Variants in GSTA5 observed in about 807,000 individuals in gnomAD.
GSTA5 encodes the protein glutathione S-transferase alpha 5, also known as glutathione S-transferase A5.
Under a neutral mutation model 21.8 loss-of-function variants are expected in GSTA5, and 25 were observed. The ratio of observed to expected loss-of-function variants is 1.14; its 90% CI spans 0.83 to 1.60. GSTA5 has a LOEUF of 1.60. Among genes scored for constraint, GSTA5 ranks in the 40% most tolerant of loss-of-function variants. GSTA5 has a pLI of 0.00. For missense variants in GSTA5, 330 were observed against 259.2 expected (o/e 1.27, Z -1.88); for synonymous variants, 102 against 89.5 (o/e 1.14, Z -0.78).
At chr6:52,832,105 C>G in intron 5 of GSTA5, 135 bp from the exon 6 acceptor site, 3 of 1,212,374 alleles carry the variant, frequency 2.5e-6, no homozygotes, top group South Asian at 1.7e-5. Flanking sequence ...GAGGCAGAAA[C>G]AGACACCCAG....
At chr6:52,840,756 G>T in exon 1 of GSTA5, 1 of 1,614,056 alleles carries the variant, frequency 6.2e-7, no homozygotes, top group Non-Finnish European at 8.5e-7. Context: ...AGGAGCCACC[G>T]AATGGACTCC....
intron 3 of GSTA5, among the ~76,000 whole-genome samples, 156 bp downstream of exon 3, chr6:52,836,080 A>G (rs1379450481): frequency 6.6e-6 from 1 of 152,010 alleles, no homozygotes; most frequent in Non-Finnish European, 1.5e-5. Flanking sequence ...CTGTTCCCTC[A>G]TCTCCATGGG....
chr6:52,834,840 C>A (rs951691430), intron 3 of GSTA5, among the ~76,000 whole-genome samples: 2 of 152,158 alleles, frequency 1.3e-5, no homozygotes, highest in African/African-American at 4.8e-5. Context: ...TTTCCACAGC[C>A]CTCTCCATGT....
rs1764296497 is a variant in GSTA5 at position 52,836,519 on chromosome 6, T to C, written c.140-151A>G. 8 of 781,434 alleles carry C rather than the reference T, an allele frequency of 1.0e-5. 1 individual carries two copies. The South Asian group carries it at 1.5e-4, about 14-fold the overall frequency. The allele number at this position is 781,434 out of a possible 1,614,324, so 48.4% of individuals were successfully genotyped here. ...TCACTTGAAACAACTTTTTTCCTTG[T>C]TTTGTTTTTTGAGACAGAGTCTCAC... On this transcript the variant is annotated intron_variant, in intron 2 of 5. Transcript: ENST00000370989.
chr6:52,837,521 G>T (rs774571676), intron 2 of GSTA5, 37 bp downstream of exon 2: 13 of 1,389,438 alleles, frequency 9.4e-6, no homozygotes, highest in Middle Eastern at 1.8e-4. Context: ...CCTTCTACTA[G>T]AAACTCTCAT....
At chr6:52,838,613 G>C (rs934061712) in intron 1 of GSTA5, among the ~76,000 whole-genome samples, 1 of 152,190 alleles carries the variant, frequency 6.6e-6, no homozygotes, top group African/African-American at 2.4e-5. Flanking sequence ...GCTATGAGTG[G>C]TTGCAGGTAT....
intron 1 of GSTA5, among the ~76,000 whole-genome samples, chr6:52,838,116 G>T (rs867483997): frequency 2.0e-5 from 3 of 152,226 alleles, no homozygotes; most frequent in Non-Finnish European, 4.4e-5. Flanking sequence ...CTGTTGCACA[G>T]CTTTCACACT....
At chr6:52,840,683 C>A (rs764484996) in intron 1 of GSTA5, 44 bp downstream of exon 1, 1 of 1,544,734 alleles carries the variant, frequency 6.5e-7, no homozygotes, top group Admixed American at 1.7e-5. Flanking sequence ...TATGTGATAA[C>A]GCAATTTTAA....
chr6:52,836,660 T>A (rs2397119), intron 2 of GSTA5, among the ~76,000 whole-genome samples: 1 of 152,146 alleles, frequency 6.6e-6, no homozygotes, highest in East Asian at 1.9e-4. Flanking sequence ...TACAGGCATG[T>A]GCCAACATAC....
chr6:52,844,165 T>C (rs1764422134), upstream of GSTA5, among the ~76,000 whole-genome samples: 1 of 152,234 alleles, frequency 6.6e-6, no homozygotes, highest in Admixed American at 6.5e-5. Context: ...ACCTATCTCA[T>C]GCTGCACACT....
At chr6:52,832,691 G>A (rs1278415713) in intron 5 of GSTA5, among the ~76,000 whole-genome samples, 168 bp downstream of exon 5, 1 of 152,162 alleles carries the variant, frequency 6.6e-6, no homozygotes, top group African/African-American at 2.4e-5. Flanking sequence ...CAGAACAAAA[G>A]TGTTTTCATT....
chr6:52,833,243 C>T lies in GSTA5; in HGVS notation c.415-253G>A, dbSNP rs111438990. ...ATCACTGTGGTGTCTACACAACCCA[C>T]CCAGCTTGCTTCTTCCACATGCGCC... On this transcript the variant is annotated intron_variant, in intron 4 of 5. Coordinates refer to ENST00000370989, the Ensembl canonical transcript of GSTA5. Among the ~76,000 whole-genome samples the T allele has an allele frequency of 7.0e-4, 106 of 152,328 alleles. 1 individual carries two copies. The highest frequency in any genetic ancestry group is 2.4e-3 in the African/African-American group (99 of 41,574).
intron 4 of GSTA5, among the ~76,000 whole-genome samples, chr6:52,833,220 C>T (rs577073368): frequency 6.6e-6 from 1 of 152,294 alleles, no homozygotes; most frequent in East Asian, 1.9e-4. Flanking sequence ...TCATCCACAT[C>T]ACTGTGGTGT....
At chr6:52,841,642 G>C (rs1764378620), upstream of GSTA5, among the ~76,000 whole-genome samples, 1 of 152,208 alleles carries the variant, frequency 6.6e-6, no homozygotes, top group South Asian at 2.1e-4. Context: ...CATTAACTTT[G>C]CAGGATATGG....
chr6:52,833,102 TG>T (rs1159959670), intron 4 of GSTA5, 112 bp from the exon 5 acceptor site: 1 of 1,206,006 alleles, frequency 8.3e-7, no homozygotes, highest in Non-Finnish European at 1.2e-6. Flanking sequence ...CCTTATTGCA[TG>T]GGTGCAGAAA....
rs1199171305 is a variant in GSTA5, at chr6:52,831,879, A to C, written c.638T>G (p.Leu213Ter). The C allele has an allele frequency of 5.0e-6, 8 of 1,614,036 alleles. No individual in the cohort carries two copies. The highest frequency in any genetic ancestry group is 6.8e-6 in the Non-Finnish European group (8 of 1,179,996). The change falls in exon 6 of 6, where the codon TTA (leucine) becomes TGA (stop). Residue 213 changes from leucine (L) to a stop codon, truncating the protein, a stop_gained. Coordinates refer to ENST00000370989, the Ensembl canonical transcript of GSTA5. LOFTEE classifies it low-confidence loss of function (END_TRUNC). ...CCTGAAAATCTTCCTTGCTTCTTCT[A>C]AAGATTTCTCATCCATGGGAGGCTT... is the stretch of plus-strand genomic sequence containing the variant.
rs1764257624 is a variant in GSTA5 at position 52,834,135 on chromosome 6, A to G, written c.414+6T>C. 1 of 1,614,126 alleles carries G rather than the reference A, an allele frequency of 6.2e-7. No homozygotes were observed. The stretch of plus-strand genomic sequence containing the variant: ...GTTCCCCTAAACATTGAACAGCTTC[A>G]CTTACTTTTTCAAAGGCAGGGAAGT... On this transcript the variant is annotated splice_donor_region_variant and intron_variant, in intron 4 of 5. Coordinates refer to ENST00000370989, the Ensembl canonical transcript of GSTA5.
chr6:52,833,787 GTTC>G (rs994020414), intron 4 of GSTA5, among the ~76,000 whole-genome samples: 14 of 152,138 alleles, frequency 9.2e-5, no homozygotes, highest in Admixed American at 3.3e-4. Flanking sequence ...CTTTCATCAT[GTTC>G]TTCTTCCATC....
chr6:52,832,160 T>C (rs963729225), intron 5 of GSTA5, among the ~76,000 whole-genome samples, 190 bp from the exon 6 acceptor site: 1 of 152,196 alleles, frequency 6.6e-6, no homozygotes, highest in African/African-American at 2.4e-5. Flanking sequence ...CACTTTATTT[T>C]CCCCAAAGAT....
Sources: gnomAD v4.1 joint callset for allele counts (sites outside exome capture counted in the v4.1 genomes callset) on GRCh38, gnomAD v4.1.1 for gene constraint, MANE v1.5 for transcripts, NCBI Gene and HGNC (gene_info 2026-07-23, HGNC 2026-07-21) for gene names.